CAST: variants seen among roughly 807,000 people sequenced by gnomAD.
CAST encodes the protein MIR583 host.
Under a neutral mutation model 119.6 loss-of-function variants are expected in CAST, and 76 were observed. That is an observed-to-expected ratio of 0.64 (90% CI 0.53 to 0.77). CAST has a LOEUF of 0.77. CAST is among the 30% of genes least tolerant of loss of function. The pLI is 0.00. For missense variants in CAST, 953 were observed against 946.5 expected (o/e 1.01, Z -0.09); for synonymous variants, 319 against 331.6 (o/e 0.96, Z 0.41).
intron 1 of CAST, among the ~76,000 whole-genome samples, chr5:96,565,526 A>T (rs995766621): frequency 1.3e-5 from 2 of 152,224 alleles, no homozygotes; most frequent in Admixed American, 6.5e-5. Context: ...GGTACAAATT[A>T]GCAACTACAC....
chr5:96,452,764 C>A, the CAST span, among the ~76,000 whole-genome samples: 3 of 142,762 alleles, frequency 2.1e-5, no homozygotes, highest in South Asian at 4.4e-4. Flanking sequence ...TCCTGGCTAA[C>A]AAGGTGAAAC....
chr5:96,058,222 CAA>C, the CAST span, among the ~76,000 whole-genome samples: 1 of 152,114 alleles, frequency 6.6e-6, no homozygotes, highest in East Asian at 1.9e-4. Flanking sequence ...TCCCTTCAAC[CAA>C]AGAGTGTCTC....
chr5:96,357,681 C>T, the CAST span, among the ~76,000 whole-genome samples: 1 of 152,024 alleles, frequency 6.6e-6, no homozygotes, highest in Non-Finnish European at 1.5e-5. Flanking sequence ...GGGATGAAGC[C>T]GAGTTGATTG....
the CAST span, among the ~76,000 whole-genome samples, chr5:96,481,341 A>G: frequency 1.3e-5 from 2 of 152,268 alleles, no homozygotes; most frequent in South Asian, 4.1e-4. Context: ...TCCTTTAAAC[A>G]CAGTTTTGGT....
the CAST span, chr5:96,400,255 C>A: frequency 6.0e-6 from 6 of 996,618 alleles, no homozygotes; most frequent in East Asian, 4.8e-5. Context: ...CAAGTGCTAA[C>A]AATAAGCATC....
the CAST span, among the ~76,000 whole-genome samples, chr5:96,414,996 G>A: frequency 6.6e-6 from 1 of 152,138 alleles, no homozygotes; most frequent in Non-Finnish European, 1.5e-5. Context: ...AGAGTTTAAT[G>A]GGGTTTTATT....
At position 96,726,778 on chromosome 5, in the gene CAST, T is replaced by C; in HGVS notation, c.271-16T>C. ...GATAAAATAAAATTATACCTGGGGC[T>C]GTGCTCTTATATTAGGCCATTCCAG... is the stretch of plus-strand genomic sequence containing the variant. On this transcript the variant is annotated splice_polypyrimidine_tract_variant and intron_variant, in intron 4 of 31. Coordinates refer to ENST00000675179, the MANE Select transcript of CAST (RefSeq NM_001750.7). 6.3e-7 allele frequency: 1 copy of C among 1,589,282 alleles called. No individual in the cohort carries two copies. Among genetic ancestry groups the C allele is most frequent in the Non-Finnish European group, 8.6e-7 (1 of 1,159,956 alleles).
chr5:96,367,152 A>G, the CAST span, among the ~76,000 whole-genome samples: 1 of 152,168 alleles, frequency 6.6e-6, no homozygotes, highest in Non-Finnish European at 1.5e-5. Flanking sequence ...AATATTTAAC[A>G]GCAAACACTG....
intron 19 of CAST, 50 bp from the exon 20 acceptor site, chr5:96,750,537 A>G: frequency 8.3e-7 from 1 of 1,208,196 alleles, no homozygotes; most frequent in Non-Finnish European, 1.2e-6. Flanking sequence ...ACTCAGTCTT[A>G]TTAACCAAAT....
At chr5:96,228,985 T>C in the CAST span, among the ~76,000 whole-genome samples, 1 of 151,850 alleles carries the variant, frequency 6.6e-6, no homozygotes, top group Non-Finnish European at 1.5e-5. Context: ...AAAAATCTTA[T>C]CTGATTGGTT....
the CAST span, among the ~76,000 whole-genome samples, chr5:96,504,373 A>G: frequency 6.6e-6 from 1 of 152,180 alleles, no homozygotes; most frequent in African/African-American, 2.4e-5. Flanking sequence ...GAATTCCAAG[A>G]GGTAACACAG....
chr5:95,999,338 T>C, the CAST span, among the ~76,000 whole-genome samples: 1 of 152,152 alleles, frequency 6.6e-6, no homozygotes, highest in African/African-American at 2.4e-5. Context: ...GGATACGCCA[T>C]ATTCAGTATA....
intron 1 of CAST, among the ~76,000 whole-genome samples, chr5:96,550,828 T>C (rs574529144): frequency 2.0e-5 from 3 of 152,152 alleles, no homozygotes; most frequent in African/African-American, 7.2e-5. Context: ...TGATTGAATA[T>C]CAAGTTAATG....
At chr5:96,182,194 C>T in the CAST span, among the ~76,000 whole-genome samples, 2 of 152,176 alleles carry the variant, frequency 1.3e-5, no homozygotes, top group Non-Finnish European at 2.9e-5. Flanking sequence ...CTGCAAATAG[C>T]CCTCTGGGTT....
chr5:96,208,790 A>G, the CAST span, among the ~76,000 whole-genome samples: 5 of 151,858 alleles, frequency 3.3e-5, no homozygotes, highest in South Asian at 2.1e-4. Flanking sequence ...AGAAGAATGT[A>G]TGTTCTGCTC....
chr5:96,637,964 T>G (rs189780169), intron 1 of CAST, among the ~76,000 whole-genome samples: 1 of 152,316 alleles, frequency 6.6e-6, no homozygotes, highest in Admixed American at 6.5e-5. Context: ...TTGGAAACCC[T>G]GAGTGCAAAT....
chr5:96,553,363 C>A (rs1028524304), intron 1 of CAST, among the ~76,000 whole-genome samples: 15 of 152,162 alleles, frequency 9.9e-5, no homozygotes, highest in African/African-American at 3.4e-4. Flanking sequence ...ATTCAACAGC[C>A]TTTCATGCTA....
the CAST span, among the ~76,000 whole-genome samples, chr5:96,339,296 TA>T: frequency 2.0e-5 from 3 of 152,214 alleles, no homozygotes; most frequent in African/African-American, 7.2e-5. Flanking sequence ...GGTGCATCTA[TA>T]AAAATAGAAC....
intron 6 of CAST, chr5:96,728,756 C>A (rs901865646): frequency 1.7e-4 from 28 of 163,060 alleles, no homozygotes; most frequent in Non-Finnish European, 3.2e-4. Context: ...GGATTACAGG[C>A]GTGAGCCACC....
Sources: allele counts gnomAD v4.1 joint callset (sites outside exome capture counted in the v4.1 genomes callset), GRCh38; gene constraint gnomAD v4.1.1; transcripts MANE v1.5; gene names NCBI Gene and HGNC (gene_info 2026-07-23, HGNC 2026-07-21).